The following FKBP9 variants were observed in gnomAD, a reference collection of about 807,000 sequenced individuals.
The protein encoded by FKBP9 is peptidyl-prolyl cis-trans isomerase FKBP9.
Under a neutral mutation model 55.6 loss-of-function variants are expected in FKBP9, and 27 were observed. The ratio of observed to expected loss-of-function variants is 0.49; its 90% CI spans 0.36 to 0.67. The LOEUF (loss-of-function observed/expected upper bound fraction) is 0.67. FKBP9 is among the 30% of genes least tolerant of loss of function. FKBP9 has a pLI of 0.00. For missense variants in FKBP9, 539 were observed against 742.8 expected, an observed-to-expected ratio of 0.73 and a Z score of 3.19; for synonymous variants, 267 against 296.5, an observed-to-expected ratio of 0.90 and a Z score of 1.02.
intron 1 of FKBP9, among the ~76,000 whole-genome samples, chr7:32,965,811 AAATATATATAT>A (rs1302323337): frequency 8.9e-5 from 1 of 11,232 alleles, no homozygotes; most frequent in Non-Finnish European, 2.2e-4. Flanking sequence ...AAAAAAAAAA[AAATATATATAT>A]ATATATATAT....
intron 4 of FKBP9, chr7:32,979,456 C>T (rs6942780): frequency 0.022 from 31,488 of 1,451,562 alleles, 1,514 homozygotes; most frequent in East Asian, 0.19. Flanking sequence ...CAGCAGATTT[C>T]ATCATTCCTT....
chr7:32,981,479 CAT>C (rs774620442), intron 5 of FKBP9, among the ~76,000 whole-genome samples: 11 of 152,052 alleles, frequency 7.2e-5, no homozygotes, highest in Non-Finnish European at 1.0e-4. Context: ...ATTCTAGTGG[CAT>C]GTGTTGTTTG....
chr7:32,990,664 A>T (rs1784662649), intron 6 of FKBP9, among the ~76,000 whole-genome samples: 1 of 152,236 alleles, frequency 6.6e-6, no homozygotes, highest in Non-Finnish European at 1.5e-5. Flanking sequence ...TGAACAACAG[A>T]TATGTTGTGA....
At chr7:32,982,366 T>C (rs1012956963) in intron 5 of FKBP9, among the ~76,000 whole-genome samples, 2 of 152,148 alleles carry the variant, frequency 1.3e-5, no homozygotes, top group Non-Finnish European at 2.9e-5. Flanking sequence ...AACACAAATG[T>C]TATTTTCTTC....
rs1785033112 is a variant in FKBP9 at position 33,006,048 on chromosome 7, T to G, written c.*697T>G. ...CTCAGACCACAAATAGAGAATTTGATTCCTCATTTGCCACATAAGTCATCT... is the reference window on the plus strand; with the variant it reads ...CTCAGACCACAAATAGAGAATTTGAGTCCTCATTTGCCACATAAGTCATCT... On this transcript the variant is annotated 3_prime_UTR_variant, in exon 10 of 10. Coordinates refer to ENST00000242209, the MANE Select transcript of FKBP9 (RefSeq NM_007270.5). 1 of 229,130 alleles carries G rather than the reference T, an allele frequency of 4.4e-6. No individual in the cohort carries two copies. Among genetic ancestry groups the G allele is most frequent in the African/African-American group, 2.2e-5 (1 of 44,990 alleles). 14.2% of individuals were successfully genotyped at this position (229,130 alleles called of 1,614,324 possible).
chr7:33,002,784 C>T lies in FKBP9; in HGVS notation c.1481C>T (p.Pro494Leu). 2 of 1,614,148 alleles carry T rather than the reference C, an allele frequency of 1.2e-6. No homozygotes were observed. The highest frequency in any genetic ancestry group is 2.2e-5 in the South Asian group (2 of 91,068). ...TTCATATGGAATGGTGAGGTGTCAC[C>T]CAACCTCTTTGAAGAAATTGACAAG... ...YMFIWNGEVS[P>L]NLFEEIDKDG... is the part of the protein sequence containing the mutation. The change falls in exon 9 of 10, where the codon CCC becomes CTC. Residue 494 changes from proline (P) to leucine (L), a missense_variant. Physicochemically the swap from Pro to Leu is moderately conservative, Grantham distance 98. This residue lies in a region of FKBP9 where 102 missense variants were observed against 200.7 expected (regional missense o/e 0.51). Transcript: ENST00000242209.
At chr7:32,963,629 C>T in intron 1 of FKBP9, 2 of 1,460,112 alleles carry the variant, frequency 1.4e-6, no homozygotes, top group Non-Finnish European at 9.0e-7. Context: ...GTCCTGCAGA[C>T]TTAAGCAGAA....
rs200580674 is a variant in FKBP9 at position 32,987,564 on chromosome 7, A to G, written c.894-943A>G. Among the ~76,000 whole-genome samples, 1,822 of 151,974 alleles carry G rather than the reference A, an allele frequency of 0.012. 126 individuals carry two copies. In the East Asian group the frequency reaches 0.2, roughly 17 times the overall value. ...ATATTCATGTCCCACATATGCAGAT[A>G]TTTTCTCTTTAGATATTGGAGACAT... On this transcript the variant is annotated intron_variant, in intron 5 of 9. Coordinates refer to ENST00000242209, the MANE Select transcript of FKBP9 (RefSeq NM_007270.5).
intron 5 of FKBP9, among the ~76,000 whole-genome samples, chr7:32,984,091 T>C (rs1296236994): frequency 6.6e-6 from 1 of 152,198 alleles, no homozygotes; most frequent in Non-Finnish European, 1.5e-5. Flanking sequence ...CTCATTATGG[T>C]TCCTGTCTTT....
chr7:32,959,802 G>A (rs1783985208), intron 1 of FKBP9, among the ~76,000 whole-genome samples: 1 of 152,016 alleles, frequency 6.6e-6, no homozygotes. Context: ...TCCTTTTTGT[G>A]GCTGTATATG....
At chr7:32,965,866 T>C (rs61602276) in intron 1 of FKBP9, among the ~76,000 whole-genome samples, 74,223 of 97,188 alleles carry the variant, frequency 0.76, 29,159 homozygotes, top group South Asian at 0.84. Flanking sequence ...TATATATATA[T>C]ACATACATAT....
chr7:32,964,297 A>G (rs1389914451), intron 1 of FKBP9, among the ~76,000 whole-genome samples: 2 of 152,224 alleles, frequency 1.3e-5, no homozygotes, highest in African/African-American at 2.4e-5. Flanking sequence ...CATTGCGAGC[A>G]ATTACACATT....
At chr7:33,004,447 C>T (rs192014539) in intron 9 of FKBP9, among the ~76,000 whole-genome samples, 3 of 152,308 alleles carry the variant, frequency 2.0e-5, no homozygotes, top group African/African-American at 7.2e-5. Flanking sequence ...CCCAGGCATG[C>T]GTCCACCTTG....
chr7:32,975,340 A>T lies in FKBP9; in HGVS notation c.526A>T (p.Thr176Ser). 1 of 1,614,002 alleles carries T rather than the reference A, an allele frequency of 6.2e-7. No individual in the cohort carries two copies. Among genetic ancestry groups the T allele is most frequent in the Non-Finnish European group, 8.5e-7 (1 of 1,179,862 alleles). ...SDFVRYHYNG[T>S]FLDGTLFDSS... ...TTTTGTGAGGTACCACTACAACGGG[A>T]CGTTCCTGGACGGAACTCTGTTTGA... Residue 176 changes from threonine (T) to serine (S), a missense_variant, in exon 3 of 10, where the codon ACG (threonine) becomes TCG (serine). By Grantham distance (58) the Thr-to-Ser change is moderately conservative. Coordinates refer to ENST00000242209, the MANE Select transcript of FKBP9 (RefSeq NM_007270.5).
At chr7:32,981,259 G>A (rs11982422) in intron 5 of FKBP9, among the ~76,000 whole-genome samples, 8,035 of 152,238 alleles carry the variant, frequency 0.053, 562 homozygotes, top group East Asian at 0.2. Flanking sequence ...TAGGTGGTTA[G>A]ATTAAAGAGA....
Position 32,978,006 on chromosome 7 carries a change from C to T in FKBP9, c.703+1507C>T, listed in dbSNP as rs1453567396. On this transcript the variant is annotated intron_variant, in intron 4 of 9. Coordinates refer to ENST00000242209, the MANE Select transcript of FKBP9 (RefSeq NM_007270.5). Reference sequence around the variant, plus strand: ...GTGCGATCTCGGCTCACTGCAACCTCTATCTCCTGGATTCAAGAGATTCTC... The same window carrying T: ...GTGCGATCTCGGCTCACTGCAACCTTTATCTCCTGGATTCAAGAGATTCTC... Among the ~76,000 whole-genome samples the T allele has an allele frequency of 2.0e-5, 3 of 150,722 alleles. No individual in the cohort carries two copies. In the East Asian group the frequency reaches 5.9e-4, roughly 30 times the overall value.
intron 4 of FKBP9, among the ~76,000 whole-genome samples, chr7:32,977,563 A>G (rs1365506607): frequency 6.6e-6 from 1 of 152,122 alleles, no homozygotes; most frequent in Non-Finnish European, 1.5e-5. Context: ...GACCACTCTC[A>G]TATATGTGGT....
At chr7:32,968,098 G>T (rs976437723) in intron 1 of FKBP9, among the ~76,000 whole-genome samples, 39 of 152,162 alleles carry the variant, frequency 2.6e-4, no homozygotes, top group African/African-American at 9.2e-4. Flanking sequence ...GAGTGCAGTG[G>T]CATGATCACA....
At chr7:32,961,769 A>G (rs1784029857) in intron 1 of FKBP9, among the ~76,000 whole-genome samples, 1 of 151,606 alleles carries the variant, frequency 6.6e-6, no homozygotes, top group Admixed American at 6.6e-5. Context: ...CATGAACCCT[A>G]TTGTGTACTG....
Sources: allele counts gnomAD v4.1 joint callset (sites outside exome capture counted in the v4.1 genomes callset), GRCh38; gene constraint gnomAD v4.1.1; regional missense constraint gnomAD v4.1.1; transcripts MANE v1.5; gene names NCBI Gene and HGNC (gene_info 2026-07-23, HGNC 2026-07-21).